PCDHA3: variants seen among roughly 807,000 people sequenced by gnomAD.
PCDHA3 encodes protocadherin alpha 3, also known as protocadherin alpha-3.
In PCDHA3, 41 loss-of-function variants were observed where a neutral mutation model predicts 62.2. The observed-to-expected ratio is 0.66, with a 90% confidence interval of 0.51 to 0.86. PCDHA3 has a LOEUF of 0.86. PCDHA3 is among the 40% of genes least tolerant of loss of function. The pLI is 0.00. For missense variants in PCDHA3, 1,304 were observed against 1,241.2 expected (o/e 1.05, Z -0.76); for synonymous variants, 640 against 555.4 (o/e 1.15, Z -2.14).
intron 1 of PCDHA3, chr5:140,869,327 T>C: frequency 6.2e-7 from 1 of 1,613,922 alleles, no homozygotes; most frequent in Non-Finnish European, 8.5e-7. Context: ...GGGGACCTTC[T>C]GGAGGTAAAT....
At chr5:140,914,023 G>A (rs1434570010) in intron 1 of PCDHA3, among the ~76,000 whole-genome samples, 5 of 152,112 alleles carry the variant, frequency 3.3e-5, no homozygotes, top group African/African-American at 7.2e-5. Context: ...AATGATCCAC[G>A]TGCTGAGAAG....
chr5:140,922,358 A>T (rs1273986507), intron 1 of PCDHA3, among the ~76,000 whole-genome samples: 2 of 152,212 alleles, frequency 1.3e-5, no homozygotes, highest in African/African-American at 4.8e-5. Flanking sequence ...TAGAGTAGTG[A>T]TTCTCACTGA....
Position 140,801,299 on chromosome 5 carries a change from C to T in PCDHA3, c.102C>T (p.Ser34=), listed in dbSNP as rs554911037. Residue 34 remains serine, a synonymous_variant, in exon 1 of 4, where the codon TCC becomes TCT. Transcript: ENST00000522353. ...SEVGSGQLHY[S]VSEEAKHGTF... ...TGGGGAGCGGCCAGCTCCACTACTC[C>T]GTCTCTGAGGAGGCCAAGCATGGCA... 9 of 1,613,446 alleles carry T rather than the reference C, an allele frequency of 5.6e-6. No individual in the cohort carries two copies. Among genetic ancestry groups the T allele is most frequent in the African/African-American group, 5.3e-5 (4 of 75,052 alleles).
At chr5:140,927,226 A>T in intron 1 of PCDHA3, 5 of 1,613,996 alleles carry the variant, frequency 3.1e-6, no homozygotes, top group Non-Finnish European at 4.2e-6. Context: ...CAAGATTCGG[A>T]TTCACGTCCT....
chr5:140,954,470 G>T (rs999752135), intron 1 of PCDHA3, among the ~76,000 whole-genome samples: 2 of 152,150 alleles, frequency 1.3e-5, no homozygotes, highest in Non-Finnish European at 2.9e-5. Flanking sequence ...ATTCTGACTG[G>T]TGTGAGAAGA....
At chr5:140,944,003 C>T (rs1185007409) in intron 1 of PCDHA3, among the ~76,000 whole-genome samples, 1 of 152,038 alleles carries the variant, frequency 6.6e-6, no homozygotes, top group Admixed American at 6.6e-5. Flanking sequence ...CTACTGAGTA[C>T]CCCCCAAAAG....
Position 140,967,394 on chromosome 5 carries a change from G to C in PCDHA3, c.2395-11555G>C, listed in dbSNP as rs1379450273. On this transcript the variant is annotated intron_variant, in intron 1 of 3. Coordinates refer to ENST00000522353, the MANE Select transcript of PCDHA3 (RefSeq NM_018906.3). ...GGAGAACAGTAAAGTGCTTGAGCTGGTGCTGCGTAAGGGCCTAGACCGGGA... is the reference window on the plus strand; with the variant it reads ...GGAGAACAGTAAAGTGCTTGAGCTGCTGCTGCGTAAGGGCCTAGACCGGGA... 4 of 1,609,940 alleles carry C rather than the reference G, an allele frequency of 2.5e-6. No homozygotes were observed. In the African/African-American group the frequency reaches 4.0e-5, roughly 16 times the overall value.
chr5:140,833,929 T>C (rs2150212169), intron 1 of PCDHA3, among the ~76,000 whole-genome samples: 2 of 152,330 alleles, frequency 1.3e-5, no homozygotes, highest in South Asian at 4.1e-4. Context: ...AAATTCATGT[T>C]GTCACTTAGG....
At chr5:140,834,114 G>A in intron 1 of PCDHA3, 1 of 419,090 alleles carries the variant, frequency 2.4e-6, no homozygotes, top group Admixed American at 4.0e-5. Context: ...TTCAGAGTTT[G>A]AAATAAAACT....
At chr5:140,964,629 T>C (rs1315614801) in intron 1 of PCDHA3, among the ~76,000 whole-genome samples, 1 of 152,028 alleles carries the variant, frequency 6.6e-6, no homozygotes, top group Non-Finnish European at 1.5e-5. Context: ...TTATAAGCCA[T>C]TTATTTTCAG....
rs1181136155 is a variant in PCDHA3, at chr5:140,966,778, G to C, written c.2395-12171G>C. Reference sequence around the variant, plus strand: ...CGCGGCCAGTGGCTATGGAGCAGGCGGGCACCAGACCTGCGGCGACAGAGC... The same window carrying C: ...CGCGGCCAGTGGCTATGGAGCAGGCCGGCACCAGACCTGCGGCGACAGAGC... On this transcript the variant is annotated intron_variant, in intron 1 of 3. Transcript: ENST00000522353. The C allele has an allele frequency of 4.0e-6, 6 of 1,512,380 alleles. No homozygotes were observed. The African/African-American group carries it at 8.3e-5, about 21-fold the overall frequency. The allele number at this position is 1,512,380 out of a possible 1,614,324, so 93.7% of individuals were successfully genotyped here. A position where few individuals can be genotyped will look rare whatever the true frequency, so the allele number is the denominator to read the frequency against.
At chr5:140,884,373 T>C (rs1554181483) in intron 1 of PCDHA3, 2 of 1,613,958 alleles carry the variant, frequency 1.2e-6, no homozygotes, top group South Asian at 2.2e-5. Context: ...TACTTGATCA[T>C]TGCCATCTGC....
At chr5:141,001,122 TAAAC>T (rs1274933487) in intron 3 of PCDHA3, among the ~76,000 whole-genome samples, 1 of 152,154 alleles carries the variant, frequency 6.6e-6, no homozygotes, top group African/African-American at 2.4e-5. Flanking sequence ...CAATAGTCCT[TAAAC>T]AAATGAATCT....
chr5:140,883,950 A>G (rs373518493), intron 1 of PCDHA3: 3 of 1,613,288 alleles, frequency 1.9e-6, no homozygotes, highest in South Asian at 1.1e-5. Flanking sequence ...GAGAACGACA[A>G]CGCTCCGGCG....
chr5:140,835,199 C>T lies in PCDHA3; in HGVS notation c.2394+31608C>T, dbSNP rs2150231734. The T allele has an allele frequency of 7.8e-3, 12,048 of 1,553,200 alleles. 392 individuals are homozygous for T. The African/African-American group carries it at 0.15, about 20-fold the overall frequency. ...CCAATGCCTCAGATTTAGACGAAGGCTTGAATGGGGATATTATTTACTCCT... is the reference window on the plus strand; with the variant it reads ...CCAATGCCTCAGATTTAGACGAAGGTTTGAATGGGGATATTATTTACTCCT... On this transcript the variant is annotated intron_variant, in intron 1 of 3. Coordinates refer to ENST00000522353, the MANE Select transcript of PCDHA3 (RefSeq NM_018906.3).
intron 1 of PCDHA3, chr5:140,870,945 G>A (rs782397621): frequency 1.2e-6 from 2 of 1,613,724 alleles, no homozygotes; most frequent in Non-Finnish European, 1.7e-6. Context: ...AGCCGGCGGC[G>A]GGCGGCTCGC....
intron 1 of PCDHA3, among the ~76,000 whole-genome samples, chr5:140,839,584 CT>C (rs1237796320): frequency 6.6e-6 from 1 of 151,868 alleles, no homozygotes; most frequent in Non-Finnish European, 1.5e-5. Flanking sequence ...GAGATGGGGT[CT>C]TACCATGTTG....
At chr5:140,862,203 C>G (rs1481623018) in intron 1 of PCDHA3, 1 of 175,658 alleles carries the variant, frequency 5.7e-6, no homozygotes, top group Non-Finnish European at 1.2e-5. Context: ...AATGTTTGAT[C>G]ACTGCACAGA....
At chr5:140,949,405 AC>A (rs1554218939) in intron 1 of PCDHA3, among the ~76,000 whole-genome samples, 1 of 151,820 alleles carries the variant, frequency 6.6e-6, no homozygotes, top group African/African-American at 2.4e-5. Flanking sequence ...GTTAAAAATC[AC>A]CTATCATCAT....
Sources: allele counts gnomAD v4.1 joint callset (sites outside exome capture counted in the v4.1 genomes callset), GRCh38; gene constraint gnomAD v4.1.1; transcripts MANE v1.5; gene names NCBI Gene and HGNC (gene_info 2026-07-23, HGNC 2026-07-21).